SPATA31A1: variants seen among roughly 807,000 people sequenced by gnomAD.
SPATA31A1 encodes the protein spermatogenesis-associated protein 31A1.
For synonymous variants in SPATA31A1, 194 were observed against 573.4 expected, an observed-to-expected ratio of 0.34 and a Z score of 9.45; for missense variants, 579 against 1,476.3, an observed-to-expected ratio of 0.39 and a Z score of 9.96.
chr9:39,361,159 C>T lies in SPATA31A1; in HGVS notation c.3394C>T (p.Gln1132Ter). 1 of 1,611,170 alleles carries T rather than the reference C, an allele frequency of 6.2e-7. No homozygotes were observed. The highest frequency in any genetic ancestry group is 1.1e-5 in the South Asian group (1 of 90,958). ...EERLEGLRTP[Q>*]LTPVRKTEDT... ...AAGGCTTGAAGGATTGAGGACTCCTCAACTTACCCCAGTCAGGAAAACAGA... is the reference window on the plus strand; with the variant it reads ...AAGGCTTGAAGGATTGAGGACTCCTTAACTTACCCCAGTCAGGAAAACAGA... The change falls in exon 4 of 4, where the codon CAA becomes TAA. Residue 1132 changes from glutamine to a stop codon, truncating the protein, a stop_gained. Transcript: ENST00000377647. LOFTEE classifies it low-confidence loss of function (END_TRUNC).
Position 39,358,683 on chromosome 9 carries a change from A to G in SPATA31A1, c.918A>G (p.Pro306=). The G allele has an allele frequency of 1.2e-6, 2 of 1,608,134 alleles. No individual in the cohort carries two copies. Among genetic ancestry groups the G allele is most frequent in the Non-Finnish European group, 1.7e-6 (2 of 1,179,760 alleles). Residue 306 remains proline, a synonymous_variant, in exon 4 of 4, where the codon CCA becomes CCG. Coordinates refer to ENST00000377647, the MANE Select transcript of SPATA31A1 (RefSeq NM_001085452.4). The part of the protein sequence containing the change: ...SVQQDHLSRH[P]PETYQMEAGS... ...AGCAAGATCATCTTTCCCGCCACCCACCAGAGACCTACCAGATGGAAGCTG... is the reference window on the plus strand; with the variant it reads ...AGCAAGATCATCTTTCCCGCCACCCGCCAGAGACCTACCAGATGGAAGCTG...
At position 39,361,710 on chromosome 9, in the gene SPATA31A1, A is replaced by G. The variant is rs1472035338; in HGVS notation, c.3945A>G (p.Val1315=). The stretch of plus-strand genomic sequence containing the variant: ...AAATCTTGCACCCCAAGAAAGCTGT[A>G]TCCCCAGTCAGTCCCCTTCAGCACT... The part of the protein sequence containing the change: ...HPQILHPKKA[V]SPVSPLQHWP... Residue 1315 remains valine, a synonymous_variant, in exon 4 of 4, where the codon GTA becomes GTG. Coordinates refer to ENST00000377647, the MANE Select transcript of SPATA31A1 (RefSeq NM_001085452.4). 2 of 1,612,390 alleles carry G rather than the reference A, an allele frequency of 1.2e-6. No homozygotes were observed. The highest frequency in any genetic ancestry group is 1.7e-6 in the Non-Finnish European group (2 of 1,179,616).
chr9:39,358,004 C>A (rs1418395963), intron 3 of SPATA31A1, 70 bp from the exon 4 acceptor site: 2 of 1,570,494 alleles, frequency 1.3e-6, no homozygotes, highest in African/African-American at 2.9e-5. Context: ...GGGGCTGTGG[C>A]CCGAGCACCC....
Position 39,359,142 on chromosome 9 carries a change from G to A in SPATA31A1, c.1377G>A (p.Glu459=). The change falls in exon 4 of 4, where the codon GAG becomes GAA. Residue 459 remains glutamate (E), a synonymous_variant. Coordinates refer to ENST00000377647, the MANE Select transcript of SPATA31A1 (RefSeq NM_001085452.4). The part of the protein sequence containing the change: ...EMSNVCPIQR[E]TTMSPLLFQA... ...CCAATGTCTGCCCAATTCAAAGGGA[G>A]ACTACAATGTCCCCACTGCTTTTCC... 1.2e-6 allele frequency: 2 copies of A among 1,611,520 alleles called. No individual in the cohort carries two copies. Among genetic ancestry groups the A allele is most frequent in the South Asian group, 2.2e-5 (2 of 90,962 alleles).
Position 39,358,787 on chromosome 9 carries a change from G to A in SPATA31A1, c.1022G>A (p.Trp341Ter). Residue 341 changes from tryptophan to a stop codon, truncating the protein, a stop_gained, in exon 4 of 4, where the codon TGG becomes TAG. Transcript: ENST00000377647. LOFTEE classifies it low-confidence loss of function (END_TRUNC). ...QVTETAKVNI[W>*]EEKENVGSFT... ...ACAGAAACAGCCAAGGTCAACATTTGGGAAGAAAAAGAAAATGTTGGATCA... is the reference window on the plus strand; with the variant it reads ...ACAGAAACAGCCAAGGTCAACATTTAGGAAGAAAAAGAAAATGTTGGATCA... 1 of 1,599,594 alleles carries A rather than the reference G, an allele frequency of 6.3e-7. No individual in the cohort carries two copies.
chr9:39,361,442 C>A lies in SPATA31A1; in HGVS notation c.3677C>A (p.Ala1226Glu). The A allele has an allele frequency of 6.2e-7, 1 of 1,613,180 alleles. No individual in the cohort carries two copies. Among genetic ancestry groups the A allele is most frequent in the Admixed American group, 1.7e-5 (1 of 59,966 alleles). The stretch of plus-strand genomic sequence containing the variant: ...GACGAGAAAATGTCACTTTGCCATG[C>A]GCGCCATGCCTCGAAGGTAAATCAG... Reference protein sequence around the residue: ...MLDEKMSLCHARHASKVNQHK... With the variant: ...MLDEKMSLCHERHASKVNQHK... Residue 1226 changes from alanine (A) to glutamate (E), a missense_variant, in exon 4 of 4, where the codon GCG (alanine) becomes GAG (glutamate). Transcript: ENST00000377647.
chr9:39,361,122 A>T lies in SPATA31A1; in HGVS notation c.3357A>T (p.Glu1119Asp). The T allele has an allele frequency of 1.2e-6, 2 of 1,611,366 alleles. No individual in the cohort carries two copies. The highest frequency in any genetic ancestry group is 1.7e-6 in the Non-Finnish European group (2 of 1,179,760). Residue 1119 changes from glutamate to aspartate, a missense_variant, in exon 4 of 4, where the codon GAA becomes GAT. Glu to Asp is a conservative substitution (Grantham distance 45). Transcript: ENST00000377647. ...KSEKSRKPNL[E>D]KHEERLEGLR... is the part of the protein sequence containing the mutation. ...AGAAGTCTAGGAAGCCCAACTTAGA[A>T]AAACATGAAGAAAGGCTTGAAGGAT...
rs1295603327 is a variant in SPATA31A1, at chr9:39,358,429, A to G, written c.664A>G (p.Lys222Glu). The part of the protein sequence containing the change: ...DPLACSPPPP[K>E]GFTAPPLRDS... ...TCTGGCCTGCTCTCCGCCTCCTCCA[A>G]AAGGCTTCACTGCTCCTCCCCTGCG... Residue 222 changes from lysine to glutamate, a missense_variant, in exon 4 of 4, where the codon AAA (lysine) becomes GAA (glutamate). Transcript: ENST00000377647. The G allele has an allele frequency of 6.5e-7, 1 of 1,547,758 alleles. No individual in the cohort carries two copies. The highest frequency in any genetic ancestry group is 2.3e-5 in the East Asian group (1 of 43,756).
At position 39,355,676 on chromosome 9, in the gene SPATA31A1, A is replaced by C. The variant is rs1237554624; in HGVS notation, c.-55A>C. On this transcript the variant is annotated 5_prime_UTR_variant, in exon 1 of 4. Transcript: ENST00000377647. Reference sequence around the variant, plus strand: ...GACGCAGGCCTGGGCCCCAGTCCCTAGTCCCCACGGGGATGCCCAGAGCTC... The same window carrying C: ...GACGCAGGCCTGGGCCCCAGTCCCTCGTCCCCACGGGGATGCCCAGAGCTC... The C allele has an allele frequency of 3.7e-6, 2 of 542,824 alleles. No homozygotes were observed. The highest frequency in any genetic ancestry group is 6.3e-6 in the Non-Finnish European group (2 of 318,276). 33.6% of individuals were successfully genotyped at this position (542,824 alleles called of 1,614,324 possible). A position where few individuals can be genotyped will look rare whatever the true frequency, so the allele number is the denominator to read the frequency against.
rs1823380665 is a variant in SPATA31A1, at chr9:39,358,352, C to A, written c.587C>A (p.Pro196His). The change falls in exon 4 of 4, where the codon CCC becomes CAC. Residue 196 changes from proline (P) to histidine (H), a missense_variant. Pro to His is a moderately conservative substitution (Grantham distance 77, BLOSUM62 -2). Transcript: ENST00000377647. ...GAACCTTCCCTTCCCCTAGAACACC[C>A]CTCACCCGAGCCACCTGCACTTTTC... The part of the protein sequence containing the change: ...PPEPSLPLEH[P>H]SPEPPALFPH... 1 of 1,521,664 alleles carries A rather than the reference C, an allele frequency of 6.6e-7. No homozygotes were observed. Among genetic ancestry groups the A allele is most frequent in the Non-Finnish European group, 8.8e-7 (1 of 1,130,446 alleles). The allele number at this position is 1,521,664 out of a possible 1,614,324, so 94.3% of individuals were successfully genotyped here.
At chr9:39,357,313 G>T in intron 2 of SPATA31A1, 124 bp downstream of exon 2, 1 of 596,118 alleles carries the variant, frequency 1.7e-6, no homozygotes, top group South Asian at 2.0e-5. Context: ...TCAGAACCCC[G>T]GGTCCTTCTC....
rs1823473562 is a variant in SPATA31A1 at position 39,361,712 on chromosome 9, C to T, written c.3947C>T (p.Ser1316Phe). Residue 1316 changes from serine to phenylalanine, a missense_variant, in exon 4 of 4, where the codon TCC becomes TTC. Ser to Phe is a radical substitution (Grantham distance 155, BLOSUM62 -2). Coordinates refer to ENST00000377647, the MANE Select transcript of SPATA31A1 (RefSeq NM_001085452.4). ...PQILHPKKAV[S>F]PVSPLQHWPK... ...ATCTTGCACCCCAAGAAAGCTGTAT[C>T]CCCAGTCAGTCCCCTTCAGCACTGG... The T allele has an allele frequency of 1.2e-6, 2 of 1,612,454 alleles. No individual in the cohort carries two copies. The highest frequency in any genetic ancestry group is 1.7e-5 in the Admixed American group (1 of 59,972).
chr9:39,358,717 T>C lies in SPATA31A1; in HGVS notation c.952T>C (p.Phe318Leu). The C allele has an allele frequency of 2.5e-6, 4 of 1,606,694 alleles. No individual in the cohort carries two copies. Among genetic ancestry groups the C allele is most frequent in the Non-Finnish European group, 3.4e-6 (4 of 1,179,744 alleles). Residue 318 changes from phenylalanine (F) to leucine (L), a missense_variant, in exon 4 of 4, where the codon TTT becomes CTT. Transcript: ENST00000377647. ...CTACCAGATGGAAGCTGGTAGCCTG[T>C]TTTTGCTCAGCTCTGATGGCCAGAA... ...ETYQMEAGSL[F>L]LLSSDGQNAV...
chr9:39,361,918 C>G lies in SPATA31A1; in HGVS notation c.*109C>G. 7.7e-7 allele frequency: 1 copy of G among 1,295,606 alleles called. No homozygotes were observed. Among genetic ancestry groups the G allele is most frequent in the East Asian group, 2.3e-5 (1 of 44,366 alleles). The allele number at this position is 1,295,606 out of a possible 1,614,324, so 80.3% of individuals were successfully genotyped here. A position where few individuals can be genotyped will look rare whatever the true frequency, so the allele number is the denominator to read the frequency against. ...ATATTTTCTCTCATGTTAGTACATGCAGAACATTTAATATACCACAATATA... is the reference window on the plus strand; with the variant it reads ...ATATTTTCTCTCATGTTAGTACATGGAGAACATTTAATATACCACAATATA... On this transcript the variant is annotated 3_prime_UTR_variant, in exon 4 of 4. Transcript: ENST00000377647.
At position 39,359,627 on chromosome 9, in the gene SPATA31A1, TG is replaced by T; in HGVS notation, c.1864del (p.Asp622IlefsTer2). 2 of 1,611,894 alleles carry T rather than the reference TG, an allele frequency of 1.2e-6. No homozygotes were observed. The highest frequency in any genetic ancestry group is 4.5e-5 in the East Asian group (2 of 44,820). On this transcript the variant is annotated frameshift_variant, in exon 4 of 4. Coordinates refer to ENST00000377647, the MANE Select transcript of SPATA31A1 (RefSeq NM_001085452.4). LOFTEE classifies it low-confidence loss of function (END_TRUNC). The stretch of plus-strand genomic sequence containing the variant: ...AACCTGGGAAGGATCCAAGAGTCTC[TG>T]GATCTGATGCAGCTTCGGGACGAAT... ...WGNLGRIQES[L>X]DLMQLRDESP...
Position 39,361,069 on chromosome 9 carries a change from C to T in SPATA31A1, c.3304C>T (p.Pro1102Ser). 2.5e-6 allele frequency: 4 copies of T among 1,611,034 alleles called. No individual in the cohort carries two copies. Among genetic ancestry groups the T allele is most frequent in the Non-Finnish European group, 3.4e-6 (4 of 1,179,626 alleles). Residue 1102 changes from proline (P) to serine (S), a missense_variant, in exon 4 of 4, where the codon CCA (proline) becomes TCA (serine). By Grantham distance (74) the Pro-to-Ser change is moderately conservative. Transcript: ENST00000377647. Reference protein sequence around the residue: ...NCQGSCKNQRPMFPPIHKSEK... With the variant: ...NCQGSCKNQRSMFPPIHKSEK... The stretch of plus-strand genomic sequence containing the variant: ...TCAAGGCTCATGCAAGAACCAAAGG[C>T]CAATGTTTCCCCCTATTCACAAGAG...
rs1016130585 is a variant in SPATA31A1, at chr9:39,361,676, G to A, written c.3911G>A (p.Arg1304Gln). 4.2e-5 allele frequency: 68 copies of A among 1,612,766 alleles called. No homozygotes were observed. Among genetic ancestry groups the A allele is most frequent in the Non-Finnish European group, 4.7e-5 (55 of 1,179,786 alleles). The stretch of plus-strand genomic sequence containing the variant: ...TGCAACAATGAGCAATGGGGCCTGC[G>A]ACATCCCCAAATCTTGCACCCCAAG... ...VRCNNEQWGL[R>Q]HPQILHPKKA... The change falls in exon 4 of 4, where the codon CGA (arginine) becomes CAA (glutamine). Residue 1304 changes from arginine (R) to glutamine (Q), a missense_variant. Transcript: ENST00000377647.
In SPATA31A1 at chr9:39,361,825, A is replaced by G. The variant is rs1823476343; in HGVS notation, c.*16A>G. The G allele has an allele frequency of 1.2e-6, 2 of 1,609,064 alleles. No individual in the cohort carries two copies. The highest frequency in any genetic ancestry group is 2.2e-5 in the East Asian group (1 of 44,892). ...AGGTATCTGATTTGGTCAGTCACAA[A>G]TTCTTTTTTAGCCTTCCCTGGAGAA... On this transcript the variant is annotated 3_prime_UTR_variant, in exon 4 of 4. Transcript: ENST00000377647.
At position 39,358,553 on chromosome 9, in the gene SPATA31A1, C is replaced by T; in HGVS notation, c.788C>T (p.Ser263Phe). The change falls in exon 4 of 4, where the codon TCT becomes TTT. Residue 263 changes from serine to phenylalanine, a missense_variant. Coordinates refer to ENST00000377647, the MANE Select transcript of SPATA31A1 (RefSeq NM_001085452.4). ...SLSPHEDLVA[S>F]VPAISGLGGS... is the part of the protein sequence containing the mutation. ...TCTCCACATGAGGATTTGGTGGCTT[C>T]TGTCCCAGCCATCTCAGGCCTTGGT... The T allele has an allele frequency of 6.3e-7, 1 of 1,587,356 alleles. No homozygotes were observed. Among genetic ancestry groups the T allele is most frequent in the Non-Finnish European group, 8.5e-7 (1 of 1,176,746 alleles).
Sources: allele counts gnomAD v4.1 joint callset, GRCh38; gene constraint gnomAD v4.1.1; transcripts MANE v1.5; gene names NCBI Gene and HGNC (gene_info 2026-07-23, HGNC 2026-07-21).